Variants in AFF4 observed in about 807,000 individuals in gnomAD.
AFF4 encodes AF4/FMR2 family member 4.
Under a neutral mutation model 124.8 loss-of-function variants are expected in AFF4, and 13 were observed. That is an observed-to-expected ratio of 0.10 (90% CI 0.07 to 0.17). The LOEUF is 0.17. Ranked by LOEUF, AFF4 falls within the 10% of genes least tolerant of loss-of-function variation. The pLI, the probability that AFF4 is intolerant of heterozygous loss-of-function variation, is 1.00. For missense variants in AFF4, 1,092 were observed against 1,403.8 expected (o/e 0.78, Z 3.55); for synonymous variants, 477 against 496.1 (o/e 0.96, Z 0.51).
At chr5:132,899,518 T>C in intron 8 of AFF4, 69 bp downstream of exon 8, 1 of 1,341,718 alleles carries the variant, frequency 7.5e-7, no homozygotes, top group Admixed American at 2.2e-5. Flanking sequence ...CATTATTCAA[T>C]TATCATTTTT....
chr5:132,924,382 T>C (rs900040161), intron 5 of AFF4, among the ~76,000 whole-genome samples: 5 of 152,150 alleles, frequency 3.3e-5, no homozygotes, highest in African/African-American at 1.2e-4. Flanking sequence ...TCCATTTACA[T>C]GAAATTCTAG....
chr5:132,941,343 A>AT (rs960512605), intron 1 of AFF4, among the ~76,000 whole-genome samples: 6 of 150,484 alleles, frequency 4.0e-5, no homozygotes, highest in African/African-American at 7.4e-5. Flanking sequence ...TTTCTTTTTT[A>AT]TTTTTTTTGA....
chr5:132,945,990 G>A (rs577871965), intron 1 of AFF4, among the ~76,000 whole-genome samples: 5 of 152,190 alleles, frequency 3.3e-5, no homozygotes, highest in East Asian at 1.9e-4. Context: ...AACCCGGGAC[G>A]CGGAGGTTGT....
At chr5:132,946,871 T>C (rs1761709224) in intron 1 of AFF4, among the ~76,000 whole-genome samples, 1 of 152,178 alleles carries the variant, frequency 6.6e-6, no homozygotes, top group African/African-American at 2.4e-5. Flanking sequence ...CATTCTATAA[T>C]TTTTTTATAA....
At chr5:132,908,776 A>ATTTTTT (rs386405007) in intron 5 of AFF4, among the ~76,000 whole-genome samples, 3 of 114,894 alleles carry the variant, frequency 2.6e-5, no homozygotes, top group African/African-American at 9.0e-5. Flanking sequence ...ATATATATAT[A>ATTTTTT]TTTTTTTTTT....
chr5:132,929,417 T>G (rs1208286324), intron 4 of AFF4, among the ~76,000 whole-genome samples: 1 of 152,190 alleles, frequency 6.6e-6, no homozygotes, highest in African/African-American at 2.4e-5. Flanking sequence ...CACATACTAA[T>G]AATTCTATGA....
chr5:132,915,568 GT>G (rs34458324), intron 5 of AFF4, among the ~76,000 whole-genome samples: 1,936 of 122,926 alleles, frequency 0.016, 46 homozygotes, highest in East Asian at 0.078. Flanking sequence ...TTTTTTTTGG[GT>G]TTTTTTTTTT....
At chr5:132,959,280 C>G (rs1762028158) in intron 1 of AFF4, among the ~76,000 whole-genome samples, 1 of 151,976 alleles carries the variant, frequency 6.6e-6, no homozygotes, top group African/African-American at 2.4e-5. Flanking sequence ...CGCCACCATG[C>G]CCAGCTAATT....
At position 132,896,979 on chromosome 5, in the gene AFF4, C is replaced by A. The variant is rs772122883; in HGVS notation, c.1651G>T (p.Ala551Ser). 1 of 1,614,082 alleles carries A rather than the reference C, an allele frequency of 6.2e-7. No individual in the cohort carries two copies. The highest frequency in any genetic ancestry group is 8.5e-7 in the Non-Finnish European group (1 of 1,180,044). Residue 551 changes from alanine to serine, a missense_variant, in exon 11 of 21, where the codon GCA becomes TCA. By Grantham distance (99) the Ala-to-Ser change is moderately conservative. Coordinates refer to ENST00000265343, the MANE Select transcript of AFF4 (RefSeq NM_014423.4). ...ESGRGRQKSPAQSDSTTQRRT... is the reference protein window; with the variant it reads ...ESGRGRQKSPSQSDSTTQRRT... ...CTCTGTGTTGTGCTGTCACTCTGTG[C>A]AGGAGATTTCTGCCTCCCACGCCCA...
chr5:132,958,989 G>C (rs1581343195), intron 1 of AFF4, among the ~76,000 whole-genome samples: 1 of 152,150 alleles, frequency 6.6e-6, no homozygotes, highest in South Asian at 2.1e-4. Flanking sequence ...AATGATTATT[G>C]AAGTAATTAG....
chr5:132,935,815 C>T (rs957426997), intron 2 of AFF4, among the ~76,000 whole-genome samples: 5 of 150,678 alleles, frequency 3.3e-5, no homozygotes, highest in African/African-American at 1.2e-4. Flanking sequence ...CCCAGCTACT[C>T]GAGAGGCTGA....
intron 1 of AFF4, among the ~76,000 whole-genome samples, chr5:132,956,523 C>G (rs141144862): frequency 0.015 from 2,291 of 150,830 alleles, 66 homozygotes; most frequent in East Asian, 0.13. Context: ...CCCAGCTACT[C>G]GGGAGGCTGA....
chr5:132,937,919 T>TA (rs1199235676), intron 1 of AFF4, among the ~76,000 whole-genome samples: 4 of 152,176 alleles, frequency 2.6e-5, no homozygotes, highest in African/African-American at 9.7e-5. Context: ...CCCATCTCTA[T>TA]AATCAGGACA....
chr5:132,938,671 G>A (rs1184396308), intron 1 of AFF4, among the ~76,000 whole-genome samples: 4 of 151,960 alleles, frequency 2.6e-5, no homozygotes, highest in Admixed American at 1.3e-4. Context: ...TTAACGGCCT[G>A]AGCGGCTCAC....
At position 132,896,869 on chromosome 5, in the gene AFF4, T is replaced by G. The variant is rs779356964; in HGVS notation, c.1761A>C (p.Glu587Asp). The G allele has an allele frequency of 3.1e-6, 5 of 1,613,994 alleles. No homozygotes were observed. The change falls in exon 11 of 21, where the codon GAA (glutamate) becomes GAC (aspartate). Residue 587 changes from glutamate (E) to aspartate (D), a missense_variant. Physicochemically the swap from Glu to Asp is conservative, Grantham distance 45 (BLOSUM62 2). Transcript: ENST00000265343. ...EPRGGLKIES[E>D]TPVDLASSMP... ...TGCTGCTAGCCAAGTCTACAGGGGT[T>G]TCACTTTCTATCTTCAGGCCTCCAC...
At chr5:132,928,766 A>G (rs1190565073) in intron 4 of AFF4, among the ~76,000 whole-genome samples, 2 of 152,216 alleles carry the variant, frequency 1.3e-5, no homozygotes, top group Non-Finnish European at 2.9e-5. Flanking sequence ...TCTACGTCCT[A>G]GTTAATGTTT....
At chr5:132,932,617 A>G (rs1761326305) in intron 3 of AFF4, among the ~76,000 whole-genome samples, 1 of 152,228 alleles carries the variant, frequency 6.6e-6, no homozygotes, top group Non-Finnish European at 1.5e-5. Context: ...AGAGGCTGCA[A>G]ATTTTTTGTG....
intron 1 of AFF4, among the ~76,000 whole-genome samples, chr5:132,939,307 A>C (rs1761511870): frequency 6.6e-6 from 1 of 152,126 alleles, no homozygotes; most frequent in Non-Finnish European, 1.5e-5. Context: ...CTTAATGTAT[A>C]CAATTTTCTA....
intron 5 of AFF4, 114 bp from the exon 6 acceptor site, chr5:132,904,518 G>T: frequency 1.1e-6 from 1 of 903,268 alleles, no homozygotes; most frequent in Non-Finnish European, 1.7e-6. Context: ...CAGAAAGAAT[G>T]TAATGATCCT....
Sources: gnomAD v4.1 joint callset for allele counts (sites outside exome capture counted in the v4.1 genomes callset) on GRCh38, gnomAD v4.1.1 for gene constraint, MANE v1.5 for transcripts, NCBI Gene and HGNC (gene_info 2026-07-23, HGNC 2026-07-21) for gene names.